Variants in PCDH15 observed in about 807,000 individuals in gnomAD.
PCDH15 encodes protocadherin related 15.
A neutral mutation model predicts 178.5 loss-of-function variants in PCDH15; 129 were observed. That is an observed-to-expected ratio of 0.72 (90% CI 0.63 to 0.84). The LOEUF (loss-of-function observed/expected upper bound fraction) is 0.84, where lower values mean the gene tolerates loss of function less well. PCDH15 is among the 40% of genes least tolerant of loss of function. The pLI is 0.00. For missense variants in PCDH15, 2,230 were observed against 2,099.9 expected, an observed-to-expected ratio of 1.06 and a Z score of -1.21; for synonymous variants, 800 against 732.0, an observed-to-expected ratio of 1.09 and a Z score of -1.50.
At chr10:54,178,327 A>G (rs1048270075) in intron 13 of PCDH15, among the ~76,000 whole-genome samples, 1 of 152,182 alleles carries the variant, frequency 6.6e-6, no homozygotes, top group East Asian at 1.9e-4. Flanking sequence ...ATAGATCAAT[A>G]TATGTATGCA....
At chr10:55,325,720 TTAAAC>T (rs1328159603) in intron 2 of PCDH15, among the ~76,000 whole-genome samples, 1 of 152,046 alleles carries the variant, frequency 6.6e-6, no homozygotes, top group African/African-American at 2.4e-5. Flanking sequence ...TGGGACCTAA[TTAAAC>T]TAAAGTGCTT....
chr10:54,725,198 C>A (rs1175106813), intron 1 of PCDH15, among the ~76,000 whole-genome samples: 3 of 151,056 alleles, frequency 2.0e-5, no homozygotes, highest in Non-Finnish European at 3.0e-5. Context: ...TTAACCATTT[C>A]TTGCGAAATT....
chr10:55,556,699 T>C (rs1314738884), intron 2 of PCDH15, among the ~76,000 whole-genome samples: 1 of 151,968 alleles, frequency 6.6e-6, no homozygotes, highest in Admixed American at 6.6e-5. Flanking sequence ...ATTATTTGGA[T>C]GTGGTGGCGC....
chr10:54,535,891 G>GT (rs2084466618), intron 2 of PCDH15, among the ~76,000 whole-genome samples: 1 of 151,998 alleles, frequency 6.6e-6, no homozygotes, highest in Admixed American at 6.6e-5. Flanking sequence ...TAAATACATT[G>GT]TCAAAACATG....
At chr10:55,389,706 T>TC (rs1837747734) in intron 2 of PCDH15, among the ~76,000 whole-genome samples, 1 of 152,068 alleles carries the variant, frequency 6.6e-6, no homozygotes, top group Non-Finnish European at 1.5e-5. Flanking sequence ...TACAAAAACC[T>TC]CTTGAACAAT....
chr10:55,397,313 T>C (rs978995390), intron 2 of PCDH15, among the ~76,000 whole-genome samples: 4 of 152,288 alleles, frequency 2.6e-5, no homozygotes, highest in South Asian at 2.1e-4. Flanking sequence ...TTTGCACTTA[T>C]GTTCAATGAG....
At chr10:54,075,571 C>A (rs1331307916) in intron 17 of PCDH15, among the ~76,000 whole-genome samples, 1 of 151,882 alleles carries the variant, frequency 6.6e-6, no homozygotes, top group Non-Finnish European at 1.5e-5. Flanking sequence ...CCAATAAATC[C>A]CTGACAAATG....
At chr10:54,967,181 C>T (rs1305174530) in intron 2 of PCDH15, among the ~76,000 whole-genome samples, 1 of 151,678 alleles carries the variant, frequency 6.6e-6, no homozygotes, top group Non-Finnish European at 1.5e-5. Flanking sequence ...TACAAAGTCA[C>T]TAGGCTATAG....
intron 3 of PCDH15, among the ~76,000 whole-genome samples, chr10:54,871,428 G>GAAA (rs5785096): frequency 2.8e-5 from 4 of 143,468 alleles, no homozygotes; most frequent in Non-Finnish European, 1.5e-5. Flanking sequence ...AGTCTGAGAG[G>GAAA]AAAAAAAAAA....
intron 15 of PCDH15, among the ~76,000 whole-genome samples, chr10:54,091,190 T>G (rs2136062689): frequency 6.6e-6 from 1 of 152,308 alleles, no homozygotes. Context: ...GAAAGAAATT[T>G]GGATGCTATC....
intron 21 of PCDH15, among the ~76,000 whole-genome samples, chr10:53,992,764 CAT>C (rs1014855605): frequency 1.3e-5 from 2 of 152,276 alleles, no homozygotes; most frequent in African/African-American, 2.4e-5. Flanking sequence ...ATTCATGTCT[CAT>C]GTGAACTACA....
chr10:54,970,425 G>A (rs1431472810), intron 2 of PCDH15, among the ~76,000 whole-genome samples: 1 of 152,120 alleles, frequency 6.6e-6, no homozygotes, highest in Non-Finnish European at 1.5e-5. Context: ...AGAAGAAAAG[G>A]AAAGCTGTAA....
intron 26 of PCDH15, among the ~76,000 whole-genome samples, chr10:53,877,323 A>T (rs4364970): frequency 0.64 from 96,865 of 151,970 alleles, 31,582 homozygotes; most frequent in Middle Eastern, 0.78. Context: ...GAAAAAGAAA[A>T]AAATTGTGCT....
intron 13 of PCDH15, among the ~76,000 whole-genome samples, chr10:54,165,052 T>C (rs575966896): frequency 2.6e-5 from 4 of 152,234 alleles, no homozygotes; most frequent in Non-Finnish European, 5.9e-5. Flanking sequence ...TTATGTTTGT[T>C]GATTTCTTCA....
chr10:53,998,735 T>A (rs1224429172), intron 20 of PCDH15, among the ~76,000 whole-genome samples: 1 of 152,206 alleles, frequency 6.6e-6, no homozygotes, highest in Non-Finnish European at 1.5e-5. Context: ...TTCTAACTAG[T>A]TGGAACTTGA....
intron 8 of PCDH15, among the ~76,000 whole-genome samples, chr10:54,264,788 T>C (rs904619860): frequency 5.3e-5 from 8 of 152,144 alleles, no homozygotes; most frequent in African/African-American, 1.4e-4. Context: ...CTACAACTTA[T>C]TGATATTCCT....
chr10:53,822,927 C>G, intron 32 of PCDH15: 1 of 1,614,082 alleles, frequency 6.2e-7, no homozygotes, highest in Non-Finnish European at 8.5e-7. Flanking sequence ...GGTGCCTTGC[C>G]ACTGCTGCAG....
chr10:54,487,089 A>C (rs895483527), intron 3 of PCDH15, among the ~76,000 whole-genome samples: 1 of 152,072 alleles, frequency 6.6e-6, no homozygotes, highest in African/African-American at 2.4e-5. Flanking sequence ...GCTAAGCCAT[A>C]TAATAAATAG....
At chr10:53,905,726 G>A (rs1055981379) in intron 25 of PCDH15, among the ~76,000 whole-genome samples, 1 of 152,074 alleles carries the variant, frequency 6.6e-6, no homozygotes, top group Non-Finnish European at 1.5e-5. Context: ...ATACCAAATT[G>A]TTCCTATGAA....
Sources: allele counts gnomAD v4.1 joint callset (sites outside exome capture counted in the v4.1 genomes callset), GRCh38; gene constraint gnomAD v4.1.1; transcripts MANE v1.5; gene names NCBI Gene and HGNC (gene_info 2026-07-23, HGNC 2026-07-21).